The following COL18A1 variants were observed in gnomAD, a reference collection of about 807,000 sequenced individuals.
The protein encoded by COL18A1 is collagen type XVIII alpha 1 chain.
In COL18A1, 133 loss-of-function variants were observed where a neutral mutation model predicts 168.0. The ratio of observed to expected loss-of-function variants is 0.79; its 90% confidence interval spans 0.69 to 0.91. The LOEUF (loss-of-function observed/expected upper bound fraction) is 0.91. COL18A1 is among the 40% of genes least tolerant of loss of function. COL18A1 has a pLI of 0.00. For synonymous variants in COL18A1, 949 were observed against 809.0 expected (o/e 1.17, Z -2.94); for missense variants, 2,126 against 1,925.4 (o/e 1.10, Z -1.95).
chr21:45,480,097 C>A lies in COL18A1; in HGVS notation c.1339C>A (p.Pro447Thr). 1.2e-6 allele frequency: 2 copies of A among 1,603,972 alleles called. No individual in the cohort carries two copies. Among genetic ancestry groups the A allele is most frequent in the Non-Finnish European group, 1.7e-6 (2 of 1,171,262 alleles). ...AGACCCTGGGGTTGGAGAGAGAGGG[C>A]CCCCAGGACCCCAAGGGCCTCCAGG... is the stretch of plus-strand genomic sequence containing the variant. ...KGDPGVGERG[P>T]PGPQGPPGPP... is the part of the protein sequence containing the mutation. The change falls in exon 11 of 42, where the codon CCC becomes ACC. Residue 447 changes from proline to threonine, a missense_variant. Transcript: ENST00000651438.
chr21:45,450,097 G>A (rs930110381), intron 2 of COL18A1, among the ~76,000 whole-genome samples: 8 of 152,204 alleles, frequency 5.3e-5, no homozygotes, highest in African/African-American at 1.9e-4. Flanking sequence ...TGGGCAGTGG[G>A]TACTGGGACC....
chr21:45,450,402 C>T (rs980678742), intron 2 of COL18A1, among the ~76,000 whole-genome samples: 1 of 152,160 alleles, frequency 6.6e-6, no homozygotes, highest in Non-Finnish European at 1.5e-5. Context: ...GGGCTGAGGC[C>T]TAGGGTGGCC....
intron 10 of COL18A1, 31 bp from the exon 11 acceptor site, chr21:45,480,039 A>C (rs80199607): frequency 1.6e-5 from 26 of 1,610,178 alleles, no homozygotes; most frequent in Non-Finnish European, 2.2e-5. Flanking sequence ...GTGCGTGCCC[A>C]GGGTATGATA....
rs574296978 is a variant in COL18A1, at chr21:45,478,710, ACT to A, written c.1248+360_1248+361del. On this transcript the variant is annotated intron_variant, in intron 9 of 41. Transcript: ENST00000651438. ...GGAGGGAAGCACGGGGCGACCTGAG[ACT>A]CTGTGAAGTCCGAGCTTCGTCGCAA... 1.0e-3 allele frequency among the ~76,000 whole-genome samples: 159 copies of A among 151,714 alleles called. 1 individual carries two copies. The highest frequency in any genetic ancestry group is 3.8e-3 in the African/African-American group (156 of 41,360).
At chr21:45,482,716 C>A in intron 14 of COL18A1, 79 bp from the exon 15 acceptor site, 1 of 1,609,742 alleles carries the variant, frequency 6.2e-7, no homozygotes. Flanking sequence ...GGGCACAGTT[C>A]CTGGCAGGGC....
At chr21:45,504,254 C>T in intron 33 of COL18A1, 162 bp from the exon 34 acceptor site, 1 of 873,164 alleles carries the variant, frequency 1.1e-6, no homozygotes, top group Non-Finnish European at 1.8e-6. Flanking sequence ...TCGGCTGATG[C>T]AGTGGGAGGT....
chr21:45,502,144 G>A (rs2036900025), intron 32 of COL18A1, among the ~76,000 whole-genome samples: 1 of 152,200 alleles, frequency 6.6e-6, no homozygotes, highest in Non-Finnish European at 1.5e-5. Flanking sequence ...GCCCGAGAGG[G>A]AGCACGGGTC....
At chr21:45,487,343 C>A in intron 16 of COL18A1, 104 bp from the exon 17 acceptor site, 1 of 1,362,530 alleles carries the variant, frequency 7.3e-7, no homozygotes, top group Non-Finnish European at 1.0e-6. Flanking sequence ...GCCACCGTGG[C>A]CCCAAAGCAT....
intron 2 of COL18A1, chr21:45,421,485 G>T (rs750984935): frequency 1.9e-6 from 1 of 534,604 alleles, no homozygotes; most frequent in Non-Finnish European, 3.8e-6. Context: ...AGGACACCGC[G>T]TTTCTGGCTG....
chr21:45,439,205 A>G (rs913096256), intron 2 of COL18A1, among the ~76,000 whole-genome samples: 2 of 152,234 alleles, frequency 1.3e-5, no homozygotes, highest in African/African-American at 2.4e-5. Flanking sequence ...TTCCTTGGTC[A>G]TTTCCGCAAC....
At chr21:45,486,160 C>T (rs2036102528) in intron 15 of COL18A1, among the ~76,000 whole-genome samples, 1 of 152,212 alleles carries the variant, frequency 6.6e-6, no homozygotes, top group Non-Finnish European at 1.5e-5. Flanking sequence ...CTTCTCACGG[C>T]TTTCGGACTA....
chr21:45,406,104 G>A (rs2033099788), intron 2 of COL18A1, among the ~76,000 whole-genome samples: 1 of 152,206 alleles, frequency 6.6e-6, no homozygotes, highest in Non-Finnish European at 1.5e-5. Flanking sequence ...CAAACGGTGC[G>A]CGGGGCCCGT....
At chr21:45,420,508 C>T (rs999160216) in intron 2 of COL18A1, 15 of 152,246 alleles carry the variant, frequency 9.9e-5, no homozygotes, top group African/African-American at 3.1e-4. Context: ...GGAGTCCCCT[C>T]GGGGCACCGA....
chr21:45,456,785 T>C, intron 2 of COL18A1: 1 of 1,536,598 alleles, frequency 6.5e-7, no homozygotes, highest in Non-Finnish European at 8.8e-7. Context: ...GCAGGATGCG[T>C]GTTGGAGCCG....
In COL18A1 at chr21:45,476,796, G is replaced by T. The variant is rs908524539; in HGVS notation, c.928+316G>T. On this transcript the variant is annotated intron_variant, in intron 6 of 41. Transcript: ENST00000651438. ...TTGTGTGTGGTGTGGTGTGTGTGTT[G>T]CGTGTAGTGTACGTGTGTGGTGTGC... Among the ~76,000 whole-genome samples the T allele has an allele frequency of 2.6e-5, 4 of 151,528 alleles. No homozygotes were observed. In the East Asian group the frequency reaches 5.8e-4, roughly 22 times the overall value.
rs61736805 is a variant in COL18A1, at chr21:45,512,201, G to T, written c.3823G>T (p.Val1275Leu). The T allele has an allele frequency of 4.1e-3, 6,600 of 1,612,314 alleles. 114 individuals are homozygous for T. In the African/African-American group the frequency reaches 0.043, roughly 10 times the overall value. Residue 1275 changes from valine (V) to leucine (L), a missense_variant, in exon 42 of 42, where the codon GTG becomes TTG. Coordinates refer to ENST00000651438, the MANE Select transcript of COL18A1 (RefSeq NM_001379500.1). ...CGCGTCTTACAGGCCCCAGAAGAGCGTGTGGCATGGCTCGGACCCCAACGG... is the reference window on the plus strand; with the variant it reads ...CGCGTCTTACAGGCCCCAGAAGAGCTTGTGGCATGGCTCGGACCCCAACGG... ...LRHPTWPQKS[V>L]WHGSDPNGRR...
Position 45,491,154 on chromosome 21 carries a change from G to A in COL18A1, c.2068-71G>A, listed in dbSNP as rs533552264. 2.9e-5 allele frequency: 39 copies of A among 1,368,380 alleles called. 1 individual carries two copies. In the South Asian group the frequency reaches 4.1e-4, roughly 14 times the overall value. 84.8% of individuals were successfully genotyped at this position (1,368,380 alleles called of 1,614,324 possible). ...GTGGGCTCTGGGCACCCCCTCCAGG[G>A]CTGGGTGGACTCTGGGGTCCTGGCC... On this transcript the variant is annotated intron_variant, in intron 21 of 41. Transcript: ENST00000651438.
In COL18A1 at chr21:45,452,996, T is replaced by C. The variant is rs577535923; in HGVS notation, c.107-15246T>C. On this transcript the variant is annotated intron_variant, in intron 2 of 41. Transcript: ENST00000651438. The stretch of plus-strand genomic sequence containing the variant: ...TGCATGAGTATTCACATGTGACATG[T>C]GAGCCTATATGTATGTGTGTGATTG... 3.9e-5 allele frequency among the ~76,000 whole-genome samples: 6 copies of C among 152,066 alleles called. No individual in the cohort carries two copies. In the South Asian group the frequency reaches 1.2e-3, roughly 32 times the overall value.
intron 2 of COL18A1, among the ~76,000 whole-genome samples, chr21:45,410,926 C>T (rs1028970990): frequency 4.6e-5 from 7 of 152,108 alleles, no homozygotes; most frequent in South Asian, 2.1e-4. Flanking sequence ...CTGGAGGCCT[C>T]GTCTGGACAC....
Sources: gnomAD v4.1 joint callset for allele counts (sites outside exome capture counted in the v4.1 genomes callset) on GRCh38, gnomAD v4.1.1 for gene constraint, MANE v1.5 for transcripts, NCBI Gene and HGNC (gene_info 2026-07-23, HGNC 2026-07-21) for gene names.